The following TTC12 variants were observed in gnomAD, a reference collection of about 807,000 sequenced individuals.
TTC12 encodes the protein tetratricopeptide repeat protein 12.
Under a neutral mutation model 90.1 loss-of-function variants are expected in TTC12, and 70 were observed. That is an observed-to-expected ratio of 0.78 (90% CI 0.64 to 0.95). The LOEUF (loss-of-function observed/expected upper bound fraction) is 0.95. TTC12 is among the 40% of genes least tolerant of loss of function. The pLI is 0.00. For missense variants in TTC12, 819 were observed against 846.1 expected, an observed-to-expected ratio of 0.97 and a Z score of 0.40; for synonymous variants, 296 against 311.5, an observed-to-expected ratio of 0.95 and a Z score of 0.53.
Position 113,323,280 on chromosome 11 carries a change from T to C in TTC12, c.59-8T>C. The C allele has an allele frequency of 6.3e-7, 1 of 1,589,564 alleles. No homozygotes were observed. Among genetic ancestry groups the C allele is most frequent in the Non-Finnish European group, 8.5e-7 (1 of 1,170,786 alleles). ...GTTTGATTAAGTCACACCTGATTTC[T>C]TCTCTAGCCAATTTAATTCAGGAGA... On this transcript the variant is annotated splice_polypyrimidine_tract_variant and splice_region_variant and intron_variant, in intron 2 of 21. Transcript: ENST00000529221.
At chr11:113,370,274 C>A (rs569613365), downstream of TTC12, among the ~76,000 whole-genome samples, 2 of 152,352 alleles carry the variant, frequency 1.3e-5, no homozygotes, top group African/African-American at 4.8e-5. Context: ...ATCAGGAAAA[C>A]CTGTTGATTG....
At chr11:113,361,340 G>T (rs1949911475) in intron 18 of TTC12, among the ~76,000 whole-genome samples, 1 of 152,212 alleles carries the variant, frequency 6.6e-6, no homozygotes. Context: ...AACAGGCAAT[G>T]GTTACCAATA....
downstream of TTC12, chr11:113,368,180 G>A (rs1950274880): frequency 1.4e-6 from 2 of 1,434,380 alleles, no homozygotes; most frequent in Non-Finnish European, 9.2e-7. Flanking sequence ...TATGTTTATT[G>A]TTCCAGAGTG....
chr11:113,367,410 G>T (rs1950250686), downstream of TTC12, among the ~76,000 whole-genome samples: 1 of 152,228 alleles, frequency 6.6e-6, no homozygotes, highest in South Asian at 2.1e-4. Flanking sequence ...AGTTTTGGAG[G>T]TGAAGGCACT....
At chr11:113,317,040 G>C (rs1946982734) in intron 2 of TTC12, among the ~76,000 whole-genome samples, 1 of 152,326 alleles carries the variant, frequency 6.6e-6, no homozygotes, top group East Asian at 1.9e-4. Flanking sequence ...AAGCTAGCTT[G>C]GGTGACATCG....
At chr11:113,361,435 T>C (rs1385206424) in intron 18 of TTC12, among the ~76,000 whole-genome samples, 2 of 152,174 alleles carry the variant, frequency 1.3e-5, no homozygotes, top group Admixed American at 1.3e-4. Context: ...GAAACCTTTG[T>C]ATGGAGTACA....
chr11:113,360,353 T>C (rs1462956383), intron 18 of TTC12, among the ~76,000 whole-genome samples: 1 of 152,028 alleles, frequency 6.6e-6, no homozygotes, highest in Non-Finnish European at 1.5e-5. Context: ...CAAAATATCC[T>C]GTGCAAATTG....
chr11:113,364,483 C>CGTA, intron 20 of TTC12: 1 of 312,422 alleles, frequency 3.2e-6, no homozygotes, highest in South Asian at 3.5e-5. Context: ...GGCACATTGC[C>CGTA]TCCACCTGGG....
chr11:113,345,643 A>G (rs1948910888), intron 13 of TTC12, among the ~76,000 whole-genome samples: 1 of 152,224 alleles, frequency 6.6e-6, no homozygotes, highest in African/African-American at 2.4e-5. Flanking sequence ...CTCCCAGGAA[A>G]GGCTTTGGCA....
At chr11:113,332,538 G>A (rs577382694) in intron 7 of TTC12, among the ~76,000 whole-genome samples, 1 of 152,224 alleles carries the variant, frequency 6.6e-6, no homozygotes. Context: ...TTCCTTTCCT[G>A]CTTCCTCAAT....
chr11:113,327,994 G>A (rs1304639113), intron 6 of TTC12, among the ~76,000 whole-genome samples: 1 of 152,182 alleles, frequency 6.6e-6, no homozygotes, highest in Non-Finnish European at 1.5e-5. Context: ...TGGATACTTG[G>A]ATTCCCTGTG....
intron 16 of TTC12, among the ~76,000 whole-genome samples, chr11:113,355,056 G>A (rs910593783): frequency 6.6e-6 from 1 of 152,172 alleles, no homozygotes; most frequent in South Asian, 2.1e-4. Flanking sequence ...TTGTACATCT[G>A]GTAGAAATCA....
intron 1 of TTC12, 29 bp from the exon 2 acceptor site, chr11:113,316,185 GACCGTTCTGTTTAGTGCTTTATTATTATT>G: frequency 1.2e-6 from 1 of 829,012 alleles, no homozygotes; most frequent in Non-Finnish European, 1.7e-6. Context: ...TAATAAGCCT[GACCGTTCTGTTTAGTGCTTTATTATTATT>G]AATTTCACCA....
At chr11:113,349,994 G>T (rs1037890314) in intron 13 of TTC12, 79 bp from the exon 14 acceptor site, 10 of 1,178,932 alleles carry the variant, frequency 8.5e-6, no homozygotes, top group Middle Eastern at 2.0e-4. Context: ...TCCTTTTTTG[G>T]TTTCCTTGCA....
Position 113,357,600 on chromosome 11 carries a change from A to AT in TTC12, c.1447-1755dup, listed in dbSNP as rs573057948. Among the ~76,000 whole-genome samples, 133 of 151,854 alleles carry AT rather than the reference A, an allele frequency of 8.8e-4. 3 individuals carry two copies. The South Asian group carries it at 0.027, about 31-fold the overall frequency. ...TTTGAGATTGCTGACCTTTGGATAA[A>AT]TTTTTTTTCTTTTATCTTATTTGAC... On this transcript the variant is annotated intron_variant, in intron 16 of 21. Coordinates refer to ENST00000529221, the MANE Select transcript of TTC12 (RefSeq NM_017868.4).
At chr11:113,361,122 C>G (rs1949900743) in intron 18 of TTC12, among the ~76,000 whole-genome samples, 1 of 152,212 alleles carries the variant, frequency 6.6e-6, no homozygotes, top group African/African-American at 2.4e-5. Context: ...GGCATCTGGT[C>G]CTTGTCTAGC....
chr11:113,369,673 G>A (rs1221844814), downstream of TTC12, among the ~76,000 whole-genome samples: 1 of 152,064 alleles, frequency 6.6e-6, no homozygotes, highest in Non-Finnish European at 1.5e-5. Flanking sequence ...CTTACTAAGT[G>A]TGACCTGCAG....
At position 113,338,834 on chromosome 11, in the gene TTC12, G is replaced by A. The variant is rs1591561956; in HGVS notation, c.637G>A (p.Gly213Ser). The A allele has an allele frequency of 6.2e-7, 1 of 1,613,926 alleles. No individual in the cohort carries two copies. The highest frequency in any genetic ancestry group is 1.3e-5 in the African/African-American group (1 of 75,028). Residue 213 changes from glycine (G) to serine (S), a missense_variant and splice_region_variant, in exon 9 of 22, where the codon GGT becomes AGT. By Grantham distance (56) the Gly-to-Ser change is moderately conservative. Transcript: ENST00000529221. ...CCCCAAGCTGCAAACCCAGGTGAAA[G>A]GTGAGCACGTTCCTGCTGAGGTCCT... ...INPKLQTQVKGYLNQVDLQEK... is the reference protein window; with the variant it reads ...INPKLQTQVKSYLNQVDLQEK...
chr11:113,364,945 C>T lies in TTC12; in HGVS notation c.1927C>T (p.Leu643=). ...GGTGCCCAACGTTGCGTCTTCCCTG[C>T]TAAAGACGGACCTTTTGCAGGTCTT... is the stretch of plus-strand genomic sequence containing the variant. The part of the protein sequence containing the change: ...MEVPNVASSL[L]KTDLLQVLLK... Residue 643 remains leucine (L), a synonymous_variant, in exon 21 of 22, where the codon CTA becomes TTA. Transcript: ENST00000529221. 6.2e-7 allele frequency: 1 copy of T among 1,614,200 alleles called. No individual in the cohort carries two copies. The highest frequency in any genetic ancestry group is 8.5e-7 in the Non-Finnish European group (1 of 1,180,048).
Sources: gnomAD v4.1 joint callset for allele counts (sites outside exome capture counted in the v4.1 genomes callset) on GRCh38, gnomAD v4.1.1 for gene constraint, MANE v1.5 for transcripts, NCBI Gene and HGNC (gene_info 2026-07-23, HGNC 2026-07-21) for gene names.